The following PDE1C variants were observed in gnomAD, a reference collection of about 807,000 sequenced individuals.
PDE1C encodes the protein dual specificity calcium/calmodulin-dependent 3',5'-cyclic nucleotide phosphodiesterase 1C.
PDE1C carries 62 observed loss-of-function variants against 93.1 expected under a neutral mutation model. The observed-to-expected ratio is 0.67, with a 90% confidence interval of 0.54 to 0.82. PDE1C has a LOEUF of 0.82. Among genes scored for constraint, PDE1C ranks in the 40% least tolerant of loss-of-function variants. The pLI is 0.00. For synonymous variants in PDE1C, 325 were observed against 310.1 expected (o/e 1.05, Z -0.50); for missense variants, 742 against 884.6 (o/e 0.84, Z 2.04).
intron 2 of PDE1C, among the ~76,000 whole-genome samples, chr7:32,172,950 G>A (rs149151547): frequency 0.011 from 1,662 of 151,916 alleles, 31 homozygotes; most frequent in African/African-American, 0.038. Context: ...ACGATGTGGC[G>A]ATTCCTCAAG....
chr7:31,772,045 CAA>C (rs34055758), intron 17 of PDE1C, among the ~76,000 whole-genome samples: 14 of 116,416 alleles, frequency 1.2e-4, no homozygotes, highest in Admixed American at 8.8e-5. Flanking sequence ...GACTCCGTCT[CAA>C]AAAAAAAAAA....
At chr7:31,700,374 C>T in the PDE1C span, among the ~76,000 whole-genome samples, 1 of 152,124 alleles carries the variant, frequency 6.6e-6, no homozygotes, top group African/African-American at 2.4e-5. Flanking sequence ...TCCTTACTCT[C>T]TTCAGTTATA....
intron 3 of PDE1C, among the ~76,000 whole-genome samples, chr7:32,161,149 T>G (rs147774619): frequency 6.6e-6 from 1 of 152,258 alleles, no homozygotes; most frequent in African/African-American, 2.4e-5. Context: ...ACCTGAAGCA[T>G]CTATGATATA....
At chr7:32,420,873 C>A (rs942756038) in intron 1 of PDE1C, among the ~76,000 whole-genome samples, 1 of 152,004 alleles carries the variant, frequency 6.6e-6, no homozygotes, top group African/African-American at 2.4e-5. Flanking sequence ...TGTGAGAGTC[C>A]GTTTTCCTGA....
chr7:32,249,965 C>T (rs73306636), intron 1 of PDE1C, among the ~76,000 whole-genome samples: 2,005 of 152,222 alleles, frequency 0.013, 53 homozygotes, highest in African/African-American at 0.046. Context: ...TTGCATTTCC[C>T]TTTAAATTAT....
At chr7:31,656,967 G>A in the PDE1C span, among the ~76,000 whole-genome samples, 800 of 149,950 alleles carry the variant, frequency 5.3e-3, 9 homozygotes, top group African/African-American at 0.019. Flanking sequence ...TACCACCCCC[G>A]ATTCTCAGGC....
At chr7:32,421,247 G>A (rs570970687) in intron 1 of PDE1C, among the ~76,000 whole-genome samples, 6 of 152,164 alleles carry the variant, frequency 3.9e-5, no homozygotes, top group Non-Finnish European at 8.8e-5. Context: ...ACTGCTTTGT[G>A]GATTTTGCTG....
intron 2 of PDE1C, among the ~76,000 whole-genome samples, chr7:31,911,616 G>A (rs1287514819): frequency 1.3e-5 from 2 of 152,080 alleles, no homozygotes; most frequent in Non-Finnish European, 2.9e-5. Flanking sequence ...TGCAGCCTGG[G>A]AGGCTTCCCT....
At chr7:31,758,939 A>C (rs1794655611) in intron 17 of PDE1C, among the ~76,000 whole-genome samples, 1 of 152,172 alleles carries the variant, frequency 6.6e-6, no homozygotes, top group Non-Finnish European at 1.5e-5. Context: ...ACTCAGCCAA[A>C]GTATTACTGA....
chr7:31,987,820 CTG>C (rs1221891990), intron 2 of PDE1C, among the ~76,000 whole-genome samples: 1 of 152,154 alleles, frequency 6.6e-6, no homozygotes, highest in African/African-American at 2.4e-5. Flanking sequence ...GTGCGGAAAA[CTG>C]TAATGAACTT....
chr7:31,817,847 G>A (rs1008305945), intron 14 of PDE1C, among the ~76,000 whole-genome samples: 3 of 152,094 alleles, frequency 2.0e-5, no homozygotes, highest in East Asian at 3.9e-4. Context: ...ACACGTTCAC[G>A]AGGCTTTATG....
intron 1 of PDE1C, among the ~76,000 whole-genome samples, chr7:32,313,072 C>T (rs1029439244): frequency 2.2e-4 from 34 of 151,876 alleles, no homozygotes; most frequent in Admixed American, 1.8e-3. Context: ...AAACAAACAA[C>T]CCCATCAAAA....
At chr7:32,071,161 G>C (rs116466969), upstream of PDE1C, 3 of 985,438 alleles carry the variant, frequency 3.0e-6, no homozygotes, top group East Asian at 2.3e-4. Flanking sequence ...GGCAGCCGCG[G>C]CCACCACCGA....
chr7:31,926,155 T>C (rs945328111), intron 2 of PDE1C, among the ~76,000 whole-genome samples: 1 of 151,980 alleles, frequency 6.6e-6, no homozygotes, highest in East Asian at 1.9e-4. Flanking sequence ...ACACACACAA[T>C]TATACACACA....
chr7:32,255,591 G>A (rs1048420182), intron 1 of PDE1C, among the ~76,000 whole-genome samples: 1 of 152,116 alleles, frequency 6.6e-6, no homozygotes, highest in African/African-American at 2.4e-5. Context: ...GACATATTAC[G>A]AAAGGTCATG....
the PDE1C span, among the ~76,000 whole-genome samples, chr7:31,621,258 G>GCCACAAAGATA: frequency 2.0e-5 from 3 of 148,916 alleles, no homozygotes; most frequent in African/African-American, 7.4e-5. Flanking sequence ...TGCAGAGAAT[G>GCCACAAAGATA]CCACAAAGAT....
chr7:31,964,272 T>G (rs1398508697), intron 2 of PDE1C, among the ~76,000 whole-genome samples: 1 of 152,164 alleles, frequency 6.6e-6, no homozygotes, highest in East Asian at 1.9e-4. Context: ...ACTGCGCTTT[T>G]CCAATGGGCT....
chr7:32,125,104 AAT>A (rs1240087353), intron 3 of PDE1C, among the ~76,000 whole-genome samples: 1 of 152,200 alleles, frequency 6.6e-6, no homozygotes, highest in Non-Finnish European at 1.5e-5. Context: ...ATGGCCAACA[AAT>A]ATATGAAAAA....
At chr7:31,902,695 CATT>C (rs1453305796) in intron 2 of PDE1C, among the ~76,000 whole-genome samples, 1 of 151,646 alleles carries the variant, frequency 6.6e-6, no homozygotes, top group Admixed American at 6.6e-5. Flanking sequence ...TGATTAAAAA[CATT>C]ATTGTAATAT....
Sources: gnomAD v4.1 joint callset for allele counts (sites outside exome capture counted in the v4.1 genomes callset) on GRCh38, gnomAD v4.1.1 for gene constraint, MANE v1.5 for transcripts, NCBI Gene and HGNC (gene_info 2026-07-23, HGNC 2026-07-21) for gene names.